CHGA: variants seen among roughly 807,000 people sequenced by gnomAD.
The protein encoded by CHGA is chromogranin A, also known as chromogranin-A.
A neutral mutation model predicts 54.4 loss-of-function variants in CHGA; 41 were observed. The ratio of observed to expected loss-of-function variants is 0.75; its 90% CI spans 0.59 to 0.98. CHGA has a LOEUF of 0.98. CHGA is among the 50% of genes least tolerant of loss of function. CHGA has a pLI of 0.00. For synonymous variants in CHGA, 249 were observed against 232.8 expected, an observed-to-expected ratio of 1.07 and a Z score of -0.63; for missense variants, 576 against 582.3, an observed-to-expected ratio of 0.99 and a Z score of 0.11.
chr14:92,923,861 C>G (rs533487132), intron 1 of CHGA, among the ~76,000 whole-genome samples: 1 of 151,994 alleles, frequency 6.6e-6, no homozygotes, highest in Non-Finnish European at 1.5e-5. Context: ...CCGCCCCCCC[C>G]ACCTCTGGGG....
chr14:92,923,336 A>G lies in CHGA; in HGVS notation c.-24A>G. ...CCTAGGTGCCCGGCCCCACACCGCC[A>G]GCTGCTCGGCGCCCGGGTCCGCCAT... is the stretch of plus-strand genomic sequence containing the variant. On this transcript the variant is annotated 5_prime_UTR_variant, in exon 1 of 8. Transcript: ENST00000216492. 7.6e-7 allele frequency: 1 copy of G among 1,321,876 alleles called. No individual in the cohort carries two copies. Among genetic ancestry groups the G allele is most frequent in the Non-Finnish European group, 9.6e-7 (1 of 1,038,530 alleles). The allele number at this position is 1,321,876 out of a possible 1,614,324, so 81.9% of individuals were successfully genotyped here.
In CHGA at chr14:92,923,404, A is replaced by G; in HGVS notation, c.45A>G (p.Gln15=). Residue 15 remains glutamine (Q), a splice_region_variant and synonymous_variant, in exon 1 of 8, where the codon CAA becomes CAG. Coordinates refer to ENST00000216492, the MANE Select transcript of CHGA (RefSeq NM_001275.4). ...AVLALLLCAG[Q]VTALPVNSPM... ...TGGCTCTTCTGCTCTGCGCCGGGCA[A>G]GGTGAGCGAGCGCGGGGAGCTCGCG... 1 of 1,261,486 alleles carries G rather than the reference A, an allele frequency of 7.9e-7. No individual in the cohort carries two copies. Among genetic ancestry groups the G allele is most frequent in the South Asian group, 3.0e-5 (1 of 33,652 alleles). The allele number at this position is 1,261,486 out of a possible 1,614,324, so 78.1% of individuals were successfully genotyped here.
In CHGA at chr14:92,935,026, C is replaced by T. The variant is rs530828278; in HGVS notation, c.*142C>T. 550 of 628,454 alleles carry T rather than the reference C, an allele frequency of 8.8e-4. 4 individuals carry two copies. The highest frequency in any genetic ancestry group is 7.5e-3 in the South Asian group (323 of 42,800). The allele number at this position is 628,454 out of a possible 1,614,324, so 38.9% of individuals were successfully genotyped here. ...CCTGCCCAAGCCCAGGCCACCCTAT[C>T]GCCCCCTACGCGCCTTGTCTCCTAC... On this transcript the variant is annotated 3_prime_UTR_variant, in exon 8 of 8. Coordinates refer to ENST00000216492, the MANE Select transcript of CHGA (RefSeq NM_001275.4).
At position 92,923,290 on chromosome 14, in the gene CHGA, C is replaced by A; in HGVS notation, c.-70C>A. On this transcript the variant is annotated 5_prime_UTR_variant, in exon 1 of 8. Transcript: ENST00000216492. The stretch of plus-strand genomic sequence containing the variant: ...CCGCAGCCCGACCCCGGCCGCCAGT[C>A]CAGCCGCCCCTCGCCCGGTGCCTAG... 1 of 1,249,900 alleles carries A rather than the reference C, an allele frequency of 8.0e-7. No individual in the cohort carries two copies. The highest frequency in any genetic ancestry group is 3.0e-5 in the South Asian group (1 of 33,566). The allele number at this position is 1,249,900 out of a possible 1,614,324, so 77.4% of individuals were successfully genotyped here. A position where few individuals can be genotyped will look rare whatever the true frequency, so the allele number is the denominator to read the frequency against.
At chr14:92,931,900 G>A (rs1887007264) in intron 6 of CHGA, among the ~76,000 whole-genome samples, 198 bp downstream of exon 6, 1 of 142,636 alleles carries the variant, frequency 7.0e-6, no homozygotes, top group South Asian at 2.4e-4. Flanking sequence ...TGTAGCAAAA[G>A]CTGAGGTTCT....
chr14:92,924,757 G>A (rs1886854150), intron 2 of CHGA, among the ~76,000 whole-genome samples: 1 of 152,216 alleles, frequency 6.6e-6, no homozygotes, highest in African/African-American at 2.4e-5. Context: ...TGCACCCACG[G>A]TCCCACCAAT....
intron 2 of CHGA, 93 bp from the exon 3 acceptor site, chr14:92,926,512 C>T: frequency 2.0e-6 from 2 of 1,013,798 alleles, no homozygotes; most frequent in Non-Finnish European, 3.1e-6. Flanking sequence ...AAGCAAATAC[C>T]CTCTGTCCTC....
At chr14:92,933,969 G>A (rs958616411) in intron 7 of CHGA, among the ~76,000 whole-genome samples, 7 of 152,120 alleles carry the variant, frequency 4.6e-5, no homozygotes, top group South Asian at 2.1e-4. Flanking sequence ...CCCGAGCCTC[G>A]CAGAGCACCT....
Position 92,932,642 on chromosome 14 carries a change from CA to C in CHGA, c.1082del (p.Gln361ArgfsTer12). 1 of 1,592,290 alleles carries C rather than the reference CA, an allele frequency of 6.3e-7. No individual in the cohort carries two copies. The highest frequency in any genetic ancestry group is 2.3e-5 in the East Asian group (1 of 44,202). On this transcript the variant is annotated frameshift_variant, in exon 7 of 8. Coordinates refer to ENST00000216492, the MANE Select transcript of CHGA (RefSeq NM_001275.4). LOFTEE classifies it high-confidence loss of function. This position sits in a 1 kb window ranked among gnomAD's most constrained non-coding sequence, Gnocchi z 5.3. ...ELTAEKRLEGQEEEEDNRDSS... is the reference protein window; with the variant it reads ...ELTAEKRLEGXEEEEDNRDSS... ...GACGGCTGAGAAGCGGCTGGAGGGG[CA>C]GGAGGAGGAGGAGGACAACCGGGAC...
chr14:92,929,770 C>G lies in CHGA; in HGVS notation c.310C>G (p.Leu104Val). ...GAAACACAGCGGTTTTGAAGATGAA[C>G]TCTCAGAGGTTCTTGAGAACCAGAG... is the stretch of plus-strand genomic sequence containing the variant. ...QKKHSGFEDE[L>V]SEVLENQSSQ... is the part of the protein sequence containing the mutation. The change falls in exon 5 of 8, where the codon CTC becomes GTC. Residue 104 changes from leucine to valine, a missense_variant. Leu to Val is a conservative substitution (Grantham distance 32, BLOSUM62 1). Transcript: ENST00000216492. 3.1e-6 allele frequency: 5 copies of G among 1,613,716 alleles called. No individual in the cohort carries two copies. The highest frequency in any genetic ancestry group is 4.2e-6 in the Non-Finnish European group (5 of 1,180,026).
At chr14:92,924,355 G>T (rs1886846905) in intron 2 of CHGA, 110 bp downstream of exon 2, 1 of 1,055,484 alleles carries the variant, frequency 9.5e-7, no homozygotes, top group South Asian at 1.6e-5. Context: ...AGCCAGCACT[G>T]CGGCTGCTGA....
At chr14:92,933,495 G>A (rs775855638) in intron 7 of CHGA, among the ~76,000 whole-genome samples, 9 of 152,200 alleles carry the variant, frequency 5.9e-5, no homozygotes, top group Non-Finnish European at 1.2e-4. Context: ...CAAATGGGGC[G>A]TGGGGACACA....
intron 4 of CHGA, 149 bp from the exon 5 acceptor site, chr14:92,929,568 C>T (rs1277024283): frequency 4.3e-6 from 3 of 702,482 alleles, no homozygotes; most frequent in Admixed American, 2.3e-5. Flanking sequence ...TCACCGCTCC[C>T]CAAGCTCACG....
intron 2 of CHGA, among the ~76,000 whole-genome samples, chr14:92,925,333 G>A (rs997136213): frequency 1.3e-5 from 2 of 152,156 alleles, no homozygotes; most frequent in Non-Finnish European, 2.9e-5. Context: ...TCGAACAGGT[G>A]GTTATCTGAT....
chr14:92,923,265 C>A lies in CHGA; in HGVS notation c.-95C>A. 1 of 1,171,210 alleles carries A rather than the reference C, an allele frequency of 8.5e-7. No individual in the cohort carries two copies. The highest frequency in any genetic ancestry group is 3.6e-5 in the South Asian group (1 of 27,620). The allele number at this position is 1,171,210 out of a possible 1,614,324, so 72.6% of individuals were successfully genotyped here. A position where few individuals can be genotyped will look rare whatever the true frequency, so the allele number is the denominator to read the frequency against. On this transcript the variant is annotated 5_prime_UTR_variant, in exon 1 of 8. Transcript: ENST00000216492. Reference sequence around the variant, plus strand: ...CGCCCCCAGCCCCGCGCCGGTGCCACCGCAGCCCGACCCCGGCCGCCAGTC... The same window carrying A: ...CGCCCCCAGCCCCGCGCCGGTGCCAACGCAGCCCGACCCCGGCCGCCAGTC...
chr14:92,924,360 T>G (rs969229057), intron 2 of CHGA, 115 bp downstream of exon 2: 7 of 1,015,696 alleles, frequency 6.9e-6, no homozygotes, highest in Non-Finnish European at 1.0e-5. Context: ...GCACTGCGGC[T>G]GCTGAGCCTG....
chr14:92,925,594 C>T (rs562693590), intron 2 of CHGA, among the ~76,000 whole-genome samples: 1 of 152,310 alleles, frequency 6.6e-6, no homozygotes, highest in South Asian at 2.1e-4. Context: ...CCCGTAGACA[C>T]AGCCTCCCAC....
At position 92,931,572 on chromosome 14, in the gene CHGA, G is replaced by A. The variant is rs753149011; in HGVS notation, c.678G>A (p.Lys226=). 1 of 1,612,962 alleles carries A rather than the reference G, an allele frequency of 6.2e-7. No homozygotes were observed. ...GTGCAGAGCCAGGGTGGCAGGCAAA[G>A]AGAGAAGAGGAGGAGGAGGAGGAGG... ...GLSAEPGWQA[K]REEEEEEEEE... The change falls in exon 6 of 8, where the codon AAG becomes AAA. Residue 226 remains lysine (K), a synonymous_variant. Coordinates refer to ENST00000216492, the MANE Select transcript of CHGA (RefSeq NM_001275.4).
intron 1 of CHGA, 143 bp downstream of exon 1, chr14:92,923,548 C>T (rs1406959736): frequency 1.3e-5 from 9 of 705,800 alleles, no homozygotes; most frequent in East Asian, 3.5e-5. Context: ...AGCGCCTCCG[C>T]CTCCCGCCTG....
Sources: allele counts gnomAD v4.1 joint callset (sites outside exome capture counted in the v4.1 genomes callset), GRCh38; gene constraint gnomAD v4.1.1; non-coding constraint Gnocchi (gnomAD v3.1); transcripts MANE v1.5; gene names NCBI Gene and HGNC (gene_info 2026-07-23, HGNC 2026-07-21).